The following PPP4R4 variants were observed in gnomAD, a reference collection of about 807,000 sequenced individuals.
PPP4R4 encodes the protein protein phosphatase 4 regulatory subunit 4.
A neutral mutation model predicts 121.8 loss-of-function variants in PPP4R4; 70 were observed. That is an observed-to-expected ratio of 0.57 (90% CI 0.47 to 0.70). The LOEUF (loss-of-function observed/expected upper bound fraction) is 0.70, where lower values mean the gene tolerates loss of function less well. Ranked by LOEUF, PPP4R4 falls within the 30% of genes least tolerant of loss-of-function variation. PPP4R4 has a pLI of 0.00. For missense variants in PPP4R4, 875 were observed against 1,033.6 expected (o/e 0.85, Z 2.10); for synonymous variants, 348 against 355.7 (o/e 0.98, Z 0.24).
In PPP4R4 at chr14:94,256,591, C is replaced by T. The variant is rs1261351555; in HGVS notation, c.1997C>T (p.Ala666Val). The T allele has an allele frequency of 1.2e-6, 2 of 1,605,094 alleles. No individual in the cohort carries two copies. Among genetic ancestry groups the T allele is most frequent in the Admixed American group, 3.4e-5 (2 of 59,278 alleles). The part of the protein sequence containing the change: ...LCQEKDKDVL[A>V]IVKRTVLELD... ...CAAGAAAAAGATAAAGATGTTCTGGCTATTGTAAAAAGAGTAAGTATCACT... is the reference window on the plus strand; with the variant it reads ...CAAGAAAAAGATAAAGATGTTCTGGTTATTGTAAAAAGAGTAAGTATCACT... The change falls in exon 17 of 25, where the codon GCT becomes GTT. Residue 666 changes from alanine (A) to valine (V), a missense_variant. Transcript: ENST00000304338.
At chr14:94,228,381 G>T (rs78992372) in intron 3 of PPP4R4, among the ~76,000 whole-genome samples, 5,871 of 152,236 alleles carry the variant, frequency 0.039, 167 homozygotes, top group African/African-American at 0.085. Flanking sequence ...CTTTATCAAA[G>T]TGCTTTACTA....
At chr14:94,235,809 G>A (rs1277856399) in intron 7 of PPP4R4, among the ~76,000 whole-genome samples, 1 of 152,000 alleles carries the variant, frequency 6.6e-6, no homozygotes, top group Non-Finnish European at 1.5e-5. Context: ...GATATTAAAG[G>A]GAGTCTTACC....
chr14:94,178,342 A>G (rs544960119), intron 2 of PPP4R4, among the ~76,000 whole-genome samples: 15 of 151,040 alleles, frequency 9.9e-5, no homozygotes, highest in Non-Finnish European at 2.1e-4. Context: ...AATGTATAAT[A>G]TATAACATGT....
chr14:94,175,751 C>T, intron 1 of PPP4R4: 1 of 408,624 alleles, frequency 2.4e-6, no homozygotes, highest in Non-Finnish European at 4.5e-6. Context: ...TTATAACATG[C>T]GTATGAAATG....
intron 3 of PPP4R4, among the ~76,000 whole-genome samples, chr14:94,210,163 C>T (rs199968228): frequency 7.3e-5 from 11 of 151,166 alleles, no homozygotes; most frequent in African/African-American, 2.7e-4. Flanking sequence ...GCATACCTTA[C>T]AGTTTCAAAA....
chr14:94,275,942 A>G (rs1053690906), intron 24 of PPP4R4, among the ~76,000 whole-genome samples: 6 of 152,208 alleles, frequency 3.9e-5, no homozygotes, highest in African/African-American at 1.4e-4. Context: ...CAGAATTGTG[A>G]GTCCAATAAA....
chr14:94,211,571 T>C (rs1281642713), intron 3 of PPP4R4, among the ~76,000 whole-genome samples: 1 of 152,156 alleles, frequency 6.6e-6, no homozygotes, highest in African/African-American at 2.4e-5. Flanking sequence ...AGAGAAATGG[T>C]TGATGAAAGA....
intron 13 of PPP4R4, among the ~76,000 whole-genome samples, chr14:94,246,001 C>T (rs560160028): frequency 1.3e-5 from 2 of 152,006 alleles, no homozygotes; most frequent in East Asian, 3.9e-4. Flanking sequence ...TTTTTTAAGC[C>T]TCTGTGTAAC....
chr14:94,235,981 AT>A (rs1400119157), intron 7 of PPP4R4, among the ~76,000 whole-genome samples: 1 of 152,066 alleles, frequency 6.6e-6, no homozygotes, highest in Non-Finnish European at 1.5e-5. Context: ...ACCTTTGTTA[AT>A]TTTTTAAAAA....
In PPP4R4 at chr14:94,265,488, C is replaced by G. The variant is rs1195325052; in HGVS notation, c.2284+15C>G. On this transcript the variant is annotated intron_variant, in intron 21 of 24. Transcript: ENST00000304338. ...CCCATCGACAAGTAAGAAATAACTT[C>G]TTTTTATATCTTTTTGTAATTTTTC... 6.4e-7 allele frequency: 1 copy of G among 1,567,362 alleles called. No individual in the cohort carries two copies. The highest frequency in any genetic ancestry group is 8.8e-7 in the Non-Finnish European group (1 of 1,139,362).
chr14:94,176,522 T>C (rs934357116), intron 2 of PPP4R4, among the ~76,000 whole-genome samples: 18 of 152,178 alleles, frequency 1.2e-4, no homozygotes, highest in African/African-American at 3.6e-4. Context: ...CGGAAAAAAA[T>C]CCACAAATAT....
chr14:94,194,581 A>G (rs1889769670), intron 2 of PPP4R4, among the ~76,000 whole-genome samples: 1 of 150,686 alleles, frequency 6.6e-6, no homozygotes, highest in South Asian at 2.1e-4. Flanking sequence ...TCTTCTAGTC[A>G]GTGATGGTAG....
intron 2 of PPP4R4, among the ~76,000 whole-genome samples, chr14:94,189,667 C>T (rs1367209664): frequency 6.6e-6 from 1 of 152,210 alleles, no homozygotes; most frequent in East Asian, 1.9e-4. Context: ...CAGGGTGTCT[C>T]CACCAGAATG....
chr14:94,231,401 A>T (rs1892026250), intron 5 of PPP4R4, 86 bp downstream of exon 5: 1 of 1,175,916 alleles, frequency 8.5e-7, no homozygotes, highest in African/African-American at 1.6e-5. Flanking sequence ...ATGGTTTTTA[A>T]AAAAGAAAGT....
At chr14:94,235,437 T>TCA (rs1892289090) in intron 7 of PPP4R4, among the ~76,000 whole-genome samples, 1 of 133,914 alleles carries the variant, frequency 7.5e-6, no homozygotes, top group Admixed American at 8.4e-5. Context: ...TCTCACTCTG[T>TCA]CACCCAGGCT....
chr14:94,247,364 G>T (rs1251713761), intron 14 of PPP4R4, among the ~76,000 whole-genome samples: 2 of 152,146 alleles, frequency 1.3e-5, no homozygotes, highest in Admixed American at 6.5e-5. Flanking sequence ...TCATCTGCTG[G>T]GCTGAAAACC....
In PPP4R4 at chr14:94,230,685, C is replaced by T; in HGVS notation, c.393C>T (p.Thr131=). The change falls in exon 4 of 25, where the codon ACC becomes ACT. Residue 131 remains threonine (T), a synonymous_variant. Coordinates refer to ENST00000304338, the MANE Select transcript of PPP4R4 (RefSeq NM_058237.2). ...AATCAGTGTCAATTCATGCATATAC[C>T]CACTCATTCCTCCAAGTCATTCTCC... is the stretch of plus-strand genomic sequence containing the variant. The part of the protein sequence containing the change: ...QDESVSIHAY[T]HSFLQVILLH... The T allele has an allele frequency of 6.2e-7, 1 of 1,613,150 alleles. No homozygotes were observed. Among genetic ancestry groups the T allele is most frequent in the South Asian group, 1.1e-5 (1 of 91,054 alleles).
chr14:94,226,723 G>A (rs1046909978), intron 3 of PPP4R4, among the ~76,000 whole-genome samples: 6 of 152,030 alleles, frequency 3.9e-5, no homozygotes, highest in African/African-American at 7.2e-5. Context: ...TAATATAGAA[G>A]TCCCTATTAT....
chr14:94,223,229 T>C (rs987740139), intron 3 of PPP4R4, among the ~76,000 whole-genome samples: 4 of 152,216 alleles, frequency 2.6e-5, no homozygotes, highest in Non-Finnish European at 4.4e-5. Flanking sequence ...CTTATCTCCT[T>C]ATATATGTTG....
Sources: allele counts gnomAD v4.1 joint callset (sites outside exome capture counted in the v4.1 genomes callset), GRCh38; gene constraint gnomAD v4.1.1; transcripts MANE v1.5; gene names NCBI Gene and HGNC (gene_info 2026-07-23, HGNC 2026-07-21).